Variants in DOCK3 observed in about 807,000 individuals in gnomAD.
DOCK3 encodes the protein dedicator of cytokinesis protein 3.
Under a neutral mutation model 265.6 loss-of-function variants are expected in DOCK3, and 60 were observed. The observed-to-expected ratio is 0.23, with a 90% CI of 0.18 to 0.28. The LOEUF is 0.28. Ranked by LOEUF, DOCK3 falls within the 10% of genes least tolerant of loss-of-function variation. The pLI is 1.00. For synonymous variants in DOCK3, 881 were observed against 938.0 expected (o/e 0.94, Z 1.11); for missense variants, 1,981 against 2,594.3 (o/e 0.76, Z 5.14).
intron 5 of DOCK3, among the ~76,000 whole-genome samples, chr3:50,937,276 TAA>T (rs60209788): frequency 1.7e-4 from 19 of 110,706 alleles, no homozygotes; most frequent in African/African-American, 4.2e-4. Flanking sequence ...AAACTCCATC[TAA>T]AAAAAAAAAA....
At position 50,675,410 on chromosome 3, in the gene DOCK3, C is replaced by T. The variant is rs1456537161; in HGVS notation, c.37+110C>T. The T allele has an allele frequency of 6.9e-6, 7 of 1,007,398 alleles. No homozygotes were observed. The highest frequency in any genetic ancestry group is 8.7e-6 in the Non-Finnish European group (7 of 807,058). The allele number at this position is 1,007,398 out of a possible 1,614,324, so 62.4% of individuals were successfully genotyped here. A position where few individuals can be genotyped will look rare whatever the true frequency, so the allele number is the denominator to read the frequency against. ...CCCCCGCCACTGCCCGCAGGCTGCG[C>T]GGCCTCGGCGCGGGGCGAGCGCGGG... On this transcript the variant is annotated intron_variant, in intron 1 of 52. Coordinates refer to ENST00000266037, the MANE Select transcript of DOCK3 (RefSeq NM_004947.5). This position sits in a 1 kb window ranked among gnomAD's most constrained non-coding sequence, Gnocchi z 6.1.
chr3:50,979,034 C>T (rs1045340915), intron 5 of DOCK3, among the ~76,000 whole-genome samples: 7 of 152,144 alleles, frequency 4.6e-5, no homozygotes, highest in Admixed American at 6.5e-5. Context: ...CACTGACCTG[C>T]GCCCACTGTC....
chr3:51,120,902 C>T (rs374583791), intron 9 of DOCK3, among the ~76,000 whole-genome samples: 2 of 152,096 alleles, frequency 1.3e-5, no homozygotes, highest in East Asian at 3.9e-4. Context: ...CTTGCTTGTC[C>T]CCGTGAGGGT....
chr3:50,818,785 ATTGT>A (rs138730454), intron 2 of DOCK3, among the ~76,000 whole-genome samples: 5,475 of 152,186 alleles, frequency 0.036, 211 homozygotes, highest in African/African-American at 0.089. Flanking sequence ...GTAGTTAGAA[ATTGT>A]TTGTGGTGGC....
At chr3:50,695,670 T>G (rs1484847242) in intron 1 of DOCK3, among the ~76,000 whole-genome samples, 1 of 152,196 alleles carries the variant, frequency 6.6e-6, no homozygotes, top group Non-Finnish European at 1.5e-5. Flanking sequence ...GAGAGAACTT[T>G]CCACAATCCT....
At chr3:51,171,925 A>G (rs1184343737) in intron 12 of DOCK3, among the ~76,000 whole-genome samples, 1 of 152,088 alleles carries the variant, frequency 6.6e-6, no homozygotes, top group Non-Finnish European at 1.5e-5. Context: ...AAAGTGAAGT[A>G]TTGAAGTTCC....
intron 3 of DOCK3, among the ~76,000 whole-genome samples, chr3:50,842,743 A>AT (rs1417757879): frequency 1.3e-5 from 2 of 152,026 alleles, no homozygotes; most frequent in East Asian, 3.8e-4. Context: ...CTTATAGGTA[A>AT]TTTTTCTTAT....
At chr3:51,330,639 C>T (rs1174080248) in intron 33 of DOCK3, among the ~76,000 whole-genome samples, 1 of 152,042 alleles carries the variant, frequency 6.6e-6, no homozygotes, top group African/African-American at 2.4e-5. Flanking sequence ...AATCAGCTCA[C>T]ATTGCAGTGA....
intron 10 of DOCK3, among the ~76,000 whole-genome samples, chr3:51,151,631 T>C (rs1172792939): frequency 6.6e-6 from 1 of 152,246 alleles, no homozygotes; most frequent in African/African-American, 2.4e-5. Context: ...CAGTGGCTGG[T>C]ACCAGTTGTT....
intron 5 of DOCK3, among the ~76,000 whole-genome samples, chr3:50,967,762 C>T (rs528175324): frequency 4.4e-4 from 67 of 152,170 alleles, no homozygotes; most frequent in African/African-American, 1.4e-3. Context: ...CTTACTATCA[C>T]GAGAAAAGGA....
chr3:51,365,515 AAC>A (rs2087080610), intron 49 of DOCK3, among the ~76,000 whole-genome samples: 2 of 152,234 alleles, frequency 1.3e-5, no homozygotes, highest in Non-Finnish European at 2.9e-5. Context: ...CAGAACTTCC[AAC>A]ACTATGTTGA....
chr3:51,248,761 C>G (rs1387620842), intron 22 of DOCK3, among the ~76,000 whole-genome samples: 2 of 151,410 alleles, frequency 1.3e-5, no homozygotes, highest in East Asian at 2.0e-4. Context: ...CGCCTCTTCC[C>G]GGCCGCCATC....
intron 4 of DOCK3, among the ~76,000 whole-genome samples, chr3:50,907,572 C>A (rs1290345193): frequency 2.0e-5 from 3 of 152,024 alleles, no homozygotes; most frequent in Non-Finnish European, 4.4e-5. Flanking sequence ...ACTAGGATTG[C>A]AACCCCTGCC....
chr3:50,964,748 A>G (rs570580635), intron 5 of DOCK3, among the ~76,000 whole-genome samples: 7 of 152,140 alleles, frequency 4.6e-5, no homozygotes, highest in African/African-American at 7.2e-5. Context: ...GAAAACTGCA[A>G]TCCTACAGGT....
rs991391540 is a variant in DOCK3 at position 51,269,802 on chromosome 3, A to G, written c.2356-1013A>G. Among the ~76,000 whole-genome samples the G allele has an allele frequency of 3.3e-5, 5 of 152,278 alleles. No homozygotes were observed. The East Asian group carries it at 5.8e-4, about 18-fold the overall frequency. On this transcript the variant is annotated intron_variant, in intron 23 of 52. Transcript: ENST00000266037. ...AAGAACCAGCATGTATCAAAGGCCT[A>G]TTGTGTTCCAGGCACTCTACTAGAA...
chr3:51,211,611 G>T (rs550751070), intron 13 of DOCK3, among the ~76,000 whole-genome samples: 92 of 25,304 alleles, frequency 3.6e-3, no homozygotes, highest in Non-Finnish European at 5.7e-3. Flanking sequence ...AACATGCAGT[G>T]TTTGGTTTTT....
chr3:50,967,724 T>G (rs1325461550), intron 5 of DOCK3, among the ~76,000 whole-genome samples: 1 of 152,114 alleles, frequency 6.6e-6, no homozygotes, highest in Non-Finnish European at 1.5e-5. Flanking sequence ...GAGTCCCTTA[T>G]AAAACCGTCA....
At chr3:50,817,632 T>C (rs1161824284) in intron 2 of DOCK3, among the ~76,000 whole-genome samples, 2 of 152,130 alleles carry the variant, frequency 1.3e-5, no homozygotes, top group Non-Finnish European at 2.9e-5. Flanking sequence ...TCTCACTATC[T>C]AAACGTTATA....
At chr3:50,853,862 A>T (rs377611588) in intron 3 of DOCK3, among the ~76,000 whole-genome samples, 23 of 147,380 alleles carry the variant, frequency 1.6e-4, no homozygotes, top group Admixed American at 1.3e-4. Flanking sequence ...TGGTAGTTCT[A>T]TTTTTTTTGT....
Sources: gnomAD v4.1 joint callset for allele counts (sites outside exome capture counted in the v4.1 genomes callset) on GRCh38, gnomAD v4.1.1 for gene constraint, Gnocchi (gnomAD v3.1) non-coding constraint, MANE v1.5 for transcripts, NCBI Gene and HGNC (gene_info 2026-07-23, HGNC 2026-07-21) for gene names.